SMOC2: variants seen among roughly 807,000 people sequenced by gnomAD.
SMOC2 encodes the protein SPARC-related modular calcium-binding protein 2.
A neutral mutation model predicts 61.4 loss-of-function variants in SMOC2; 39 were observed. The ratio of observed to expected loss-of-function variants is 0.64; its 90% CI spans 0.49 to 0.83. The LOEUF (loss-of-function observed/expected upper bound fraction) is 0.83, where lower values mean the gene tolerates loss of function less well. SMOC2 is among the 40% of genes least tolerant of loss of function. The probability of loss-of-function intolerance (pLI) is 0.00; values close to 1 mark genes in which losing one functional copy is unlikely to be tolerated. For missense variants in SMOC2, 556 were observed against 592.9 expected, an observed-to-expected ratio of 0.94 and a Z score of 0.65; for synonymous variants, 247 against 239.9, an observed-to-expected ratio of 1.03 and a Z score of -0.27.
At chr6:168,571,043 CTT>C (rs894275229) in intron 7 of SMOC2, among the ~76,000 whole-genome samples, 2 of 152,162 alleles carry the variant, frequency 1.3e-5, no homozygotes, top group African/African-American at 2.4e-5. Flanking sequence ...CCACGACCCT[CTT>C]TGCAGTGACA....
In SMOC2 at chr6:168,566,116, G is replaced by A. The variant is rs566314819; in HGVS notation, c.637+16913G>A. On this transcript the variant is annotated intron_variant, in intron 7 of 12. Transcript: ENST00000356284. ...CTAAGAAAAAATCCACGTCTTTTACGAAGCTATGGCAATGCGTCTACCACC... is the reference window on the plus strand; with the variant it reads ...CTAAGAAAAAATCCACGTCTTTTACAAAGCTATGGCAATGCGTCTACCACC... 1.1e-4 allele frequency among the ~76,000 whole-genome samples: 16 copies of A among 152,232 alleles called. No homozygotes were observed. The South Asian group carries it at 3.3e-3, about 32-fold the overall frequency.
rs141429685 is a variant in SMOC2 at position 168,450,739 on chromosome 6, G to A, written c.84+9285G>A. Among the ~76,000 whole-genome samples the A allele has an allele frequency of 3.8e-3, 573 of 152,256 alleles. 1 individual carries two copies. The highest frequency in any genetic ancestry group is 0.013 in the African/African-American group (552 of 41,542). On this transcript the variant is annotated intron_variant, in intron 1 of 12. Transcript: ENST00000356284. Reference sequence around the variant, plus strand: ...GGTTCATTGATATCCTTTTAAGAATGTGGTCCCAACACCAGATATGGTCTT... The same window carrying A: ...GGTTCATTGATATCCTTTTAAGAATATGGTCCCAACACCAGATATGGTCTT...
In SMOC2 at chr6:168,509,997, A is replaced by G; in HGVS notation, c.167A>G (p.Asp56Gly). 3 of 1,614,218 alleles carry G rather than the reference A, an allele frequency of 1.9e-6. No homozygotes were observed. The highest frequency in any genetic ancestry group is 2.5e-6 in the Non-Finnish European group (3 of 1,180,042). The change falls in exon 2 of 13, where the codon GAC (aspartate) becomes GGC (glycine). Residue 56 changes from aspartate (D) to glycine (G), a missense_variant. By Grantham distance (94) the Asp-to-Gly change is moderately conservative. Transcript: ENST00000356284. The stretch of plus-strand genomic sequence containing the variant: ...CCCCAGAAACCTCTCTGCGCATCTG[A>G]CGGAAGGACCTTCCTTTCCCGTTGT... ...GSPQKPLCAS[D>G]GRTFLSRCEF...
intron 1 of SMOC2, among the ~76,000 whole-genome samples, 153 bp from the exon 2 acceptor site, chr6:168,509,762 A>G (rs1782961729): frequency 6.6e-6 from 1 of 152,216 alleles, no homozygotes; most frequent in South Asian, 2.1e-4. Context: ...TCAGAGGTGC[A>G]CGTGGCGCTT....
intron 6 of SMOC2, among the ~76,000 whole-genome samples, chr6:168,548,431 C>G (rs539629473): frequency 6.7e-6 from 1 of 149,232 alleles, no homozygotes; most frequent in African/African-American, 2.5e-5. Context: ...GATCTCAGCT[C>G]ACTGCAACCT....
chr6:168,459,625 TG>T (rs1781673861), intron 1 of SMOC2, among the ~76,000 whole-genome samples: 1 of 2,084 alleles, frequency 4.8e-4, no homozygotes, highest in African/African-American at 2.0e-3. Flanking sequence ...AGCCCTGGGG[TG>T]GGTGGGCCCT....
At chr6:168,597,834 C>T (rs763194322) in intron 7 of SMOC2, among the ~76,000 whole-genome samples, 2 of 152,212 alleles carry the variant, frequency 1.3e-5, no homozygotes, top group African/African-American at 4.8e-5. Flanking sequence ...CGCTCTCCCC[C>T]CAGGTGAGGG....
At chr6:168,577,847 A>G (rs577186651) in intron 7 of SMOC2, among the ~76,000 whole-genome samples, 13 of 152,346 alleles carry the variant, frequency 8.5e-5, no homozygotes, top group Non-Finnish European at 1.9e-4. Flanking sequence ...AGCTGAGTCC[A>G]GAACTGAGAG....
chr6:168,508,822 T>G (rs144749757), intron 1 of SMOC2, among the ~76,000 whole-genome samples: 1 of 152,348 alleles, frequency 6.6e-6, no homozygotes, highest in South Asian at 2.1e-4. Context: ...CGTACTACCA[T>G]AGCCTATGCT....
intron 1 of SMOC2, among the ~76,000 whole-genome samples, chr6:168,458,796 C>G (rs1247128480): frequency 6.6e-6 from 1 of 152,198 alleles, no homozygotes; most frequent in Admixed American, 6.5e-5. Context: ...CTGCACCCTG[C>G]AGTGGTCTGA....
At chr6:168,457,678 C>A (rs963840201) in intron 1 of SMOC2, among the ~76,000 whole-genome samples, 2 of 152,062 alleles carry the variant, frequency 1.3e-5, no homozygotes, top group African/African-American at 4.8e-5. Context: ...ACCCTCCCCA[C>A]GCCCACGAGT....
intron 1 of SMOC2, among the ~76,000 whole-genome samples, chr6:168,449,682 G>A (rs1401108385): frequency 1.3e-5 from 2 of 152,176 alleles, no homozygotes; most frequent in African/African-American, 4.8e-5. Context: ...GATAAACCGT[G>A]CATGGCCATT....
chr6:168,622,954 G>C (rs1042854883), intron 9 of SMOC2, among the ~76,000 whole-genome samples: 1 of 152,208 alleles, frequency 6.6e-6, no homozygotes, highest in Non-Finnish European at 1.5e-5. Context: ...TTGAACTTCC[G>C]AGCAGTCAGC....
chr6:168,565,669 A>G (rs1784524433), intron 7 of SMOC2, among the ~76,000 whole-genome samples: 2 of 152,320 alleles, frequency 1.3e-5, no homozygotes, highest in East Asian at 3.9e-4. Context: ...TTGCATTGAA[A>G]ACAAAGCGTA....
At chr6:168,575,892 C>A (rs1287000345) in intron 7 of SMOC2, among the ~76,000 whole-genome samples, 3 of 151,040 alleles carry the variant, frequency 2.0e-5, no homozygotes, top group Non-Finnish European at 4.4e-5. Context: ...TGTGACTTTA[C>A]TGACTTGGGT....
rs1423134610 is a variant in SMOC2, at chr6:168,666,813, A to G, written c.*375A>G. 5.0e-6 allele frequency: 1 copy of G among 199,682 alleles called. No individual in the cohort carries two copies. The highest frequency in any genetic ancestry group is 1.0e-5 in the Non-Finnish European group (1 of 98,612). 12.4% of individuals were successfully genotyped at this position (199,682 alleles called of 1,614,324 possible). A position where few individuals can be genotyped will look rare whatever the true frequency, so the allele number is the denominator to read the frequency against. On this transcript the variant is annotated 3_prime_UTR_variant, in exon 13 of 13. Transcript: ENST00000356284. ...CAGTCACTTCCAGATGCCTGTGCTT[A>G]CAGCATTGTGGAATCATGTTGGAAG... is the stretch of plus-strand genomic sequence containing the variant.
intron 4 of SMOC2, among the ~76,000 whole-genome samples, chr6:168,540,631 A>G (rs911708009): frequency 3.9e-5 from 6 of 151,994 alleles, no homozygotes; most frequent in African/African-American, 1.5e-4. Context: ...ATCCTCAGAA[A>G]TTGGCACCCT....
chr6:168,566,497 TTTTGA>T (rs1234146654), intron 7 of SMOC2, among the ~76,000 whole-genome samples: 1 of 141,560 alleles, frequency 7.1e-6, no homozygotes, highest in East Asian at 2.1e-4. Context: ...TTTTTTTTTT[TTTTGA>T]AACAGAGTCT....
chr6:168,546,927 G>C (rs372810278), intron 5 of SMOC2, among the ~76,000 whole-genome samples, 192 bp from the exon 6 acceptor site: 7 of 152,300 alleles, frequency 4.6e-5, no homozygotes, highest in Admixed American at 3.3e-4. Context: ...TTAAGTAGCG[G>C]CTCACTCAAG....
Sources: gnomAD v4.1 joint callset for allele counts (sites outside exome capture counted in the v4.1 genomes callset) on GRCh38, gnomAD v4.1.1 for gene constraint, MANE v1.5 for transcripts, NCBI Gene and HGNC (gene_info 2026-07-23, HGNC 2026-07-21) for gene names.